The following ATP2C2 variants were observed in gnomAD, a reference collection of about 807,000 sequenced individuals.
The protein encoded by ATP2C2 is calcium-transporting ATPase type 2C member 2.
Under a neutral mutation model 110.8 loss-of-function variants are expected in ATP2C2, and 171 were observed. The observed-to-expected ratio is 1.54, with a 90% CI of 1.36 to 1.75. The LOEUF is 1.75. Among genes scored for constraint, ATP2C2 ranks in the 40% most tolerant of loss-of-function variants. ATP2C2 has a pLI of 0.00. For missense variants in ATP2C2, 1,963 were observed against 1,235.0 expected, an observed-to-expected ratio of 1.59 and a Z score of -8.84; for synonymous variants, 804 against 508.4, an observed-to-expected ratio of 1.58 and a Z score of -7.82.
chr16:84,435,360 C>T lies in ATP2C2; in HGVS notation c.987-3806C>T, dbSNP rs139194418. Among the ~76,000 whole-genome samples the T allele has an allele frequency of 3.3e-5, 5 of 152,342 alleles. No homozygotes were observed. In the East Asian group the frequency reaches 9.6e-4, roughly 29 times the overall value. ...TTAGCTCTGATGAAATGTGGTCTCT[C>T]TGTGTGATCCTGGTTGAATGGATTC... On this transcript the variant is annotated intron_variant, in intron 11 of 26. Coordinates refer to ENST00000262429, the MANE Select transcript of ATP2C2 (RefSeq NM_014861.4).
intron 1 of ATP2C2, among the ~76,000 whole-genome samples, chr16:84,380,878 AATT>A (rs1267530634): frequency 2.0e-5 from 3 of 152,136 alleles, no homozygotes; most frequent in African/African-American, 4.8e-5. Flanking sequence ...AATTATAAGT[AATT>A]ATTATTATAC....
chr16:84,415,471 T>C lies in ATP2C2; in HGVS notation c.516-12T>C, dbSNP rs377747879. On this transcript the variant is annotated splice_polypyrimidine_tract_variant and intron_variant, in intron 6 of 26. Coordinates refer to ENST00000262429, the MANE Select transcript of ATP2C2 (RefSeq NM_014861.4). ...GCATGGATGCTTTTGCTTTTTACCA[T>C]GTCAAATGCAGCCTAAGAGAAGGAA... 6 of 1,611,632 alleles carry C rather than the reference T, an allele frequency of 3.7e-6. No homozygotes were observed. In the African/African-American group the frequency reaches 5.3e-5, roughly 14 times the overall value.
Position 84,393,024 on chromosome 16 carries a change from TGCC to T in ATP2C2, c.100-5474_100-5472del, listed in dbSNP as rs1555552985. ...CCTGAGTTTGTTTCCAGTTTTTGAG[TGCC>T]TCAGCTTCAAGGTGGGCCATTCTGG... On this transcript the variant is annotated intron_variant, in intron 1 of 26. Transcript: ENST00000262429. Among the ~76,000 whole-genome samples the T allele has an allele frequency of 5.8e-4, 88 of 152,206 alleles. No homozygotes were observed. The Middle Eastern group carries it at 0.01, about 18-fold the overall frequency.
chr16:84,405,530 C>G (rs1377908504), intron 3 of ATP2C2, among the ~76,000 whole-genome samples: 1 of 152,212 alleles, frequency 6.6e-6, no homozygotes, highest in Non-Finnish European at 1.5e-5. Context: ...TCCTCCTAAT[C>G]CCGCCTTTGC....
chr16:84,384,819 G>T (rs1001448188), intron 1 of ATP2C2, among the ~76,000 whole-genome samples: 1 of 152,206 alleles, frequency 6.6e-6, no homozygotes, highest in African/African-American at 2.4e-5. Context: ...GAAGGCCAAG[G>T]TGGGTGGATC....
intron 11 of ATP2C2, among the ~76,000 whole-genome samples, chr16:84,426,741 G>A (rs769658851): frequency 1.3e-5 from 2 of 152,188 alleles, no homozygotes; most frequent in Non-Finnish European, 2.9e-5. Context: ...CCAAGCCCTT[G>A]TCTTACAGAG....
intron 6 of ATP2C2, among the ~76,000 whole-genome samples, chr16:84,413,258 G>A (rs1265087363): frequency 3.3e-5 from 5 of 152,110 alleles, no homozygotes; most frequent in African/African-American, 1.2e-4. Flanking sequence ...ATATATCCCA[G>A]GCACATGTTG....
intron 16 of ATP2C2, among the ~76,000 whole-genome samples, chr16:84,447,900 T>TAACA (rs1351813971): frequency 1.7e-5 from 1 of 58,746 alleles, no homozygotes; most frequent in African/African-American, 4.0e-5. Context: ...ACATATATAA[T>TAACA]TAATATTATA....
chr16:84,460,966 G>C, intron 24 of ATP2C2, 165 bp downstream of exon 24: 1 of 1,035,844 alleles, frequency 9.7e-7, no homozygotes, highest in Non-Finnish European at 1.3e-6. Context: ...TGAGGCAAAG[G>C]GACTGGGTGA....
chr16:84,398,017 A>G (rs1413786305), intron 1 of ATP2C2, among the ~76,000 whole-genome samples: 1 of 151,848 alleles, frequency 6.6e-6, no homozygotes, highest in Non-Finnish European at 1.5e-5. Context: ...GGGACCAGTC[A>G]TATCTGTTTC....
chr16:84,459,021 A>AC, intron 21 of ATP2C2, 99 bp from the exon 22 acceptor site: 1 of 1,306,940 alleles, frequency 7.7e-7, no homozygotes. Context: ...GTATAACATC[A>AC]ATCTGGGCGA....
At chr16:84,454,234 C>T (rs891110522) in intron 20 of ATP2C2, among the ~76,000 whole-genome samples, 1 of 152,090 alleles carries the variant, frequency 6.6e-6, no homozygotes. Context: ...CAAAGCCAGG[C>T]CCATGAATCT....
At chr16:84,400,457 G>A (rs1287895514) in intron 2 of ATP2C2, among the ~76,000 whole-genome samples, 1 of 151,902 alleles carries the variant, frequency 6.6e-6, no homozygotes, top group African/African-American at 2.4e-5. Flanking sequence ...CTCCTGAGTA[G>A]CTGGGACTAC....
chr16:84,396,532 A>G (rs977609487), intron 1 of ATP2C2, among the ~76,000 whole-genome samples: 2 of 142,924 alleles, frequency 1.4e-5, no homozygotes, highest in Admixed American at 1.5e-4. Context: ...CCTGGGTGAC[A>G]GAGTGAGGCT....
chr16:84,446,468 GC>G (rs1909761502), intron 16 of ATP2C2, 38 bp downstream of exon 16: 1 of 1,465,470 alleles, frequency 6.8e-7, no homozygotes, highest in Non-Finnish European at 9.3e-7. Flanking sequence ...CTCTCTTTCT[GC>G]CCGGGCCCCC....
chr16:84,407,702 G>A (rs1310008337), intron 3 of ATP2C2, among the ~76,000 whole-genome samples: 1 of 152,062 alleles, frequency 6.6e-6, no homozygotes, highest in East Asian at 1.9e-4. Flanking sequence ...AAACTCCTGG[G>A]CTCAAGCAGT....
chr16:84,432,648 G>A (rs1908386029), intron 11 of ATP2C2, among the ~76,000 whole-genome samples: 1 of 152,050 alleles, frequency 6.6e-6, no homozygotes, highest in South Asian at 2.1e-4. Flanking sequence ...AGCCTCCCAA[G>A]TAGCTGAGAT....
Position 84,460,771 on chromosome 16 carries a change from C to T in ATP2C2, c.2451C>T (p.Ile817=), listed in dbSNP as rs1339840354. ...LKILMSAAII[I]SGTLFIFWKE... ...TCCTCATGTCCGCGGCCATCATCAT[C>T]AGCGGGACCCTCTTTATCTTCTGGA... The change falls in exon 24 of 27, where the codon ATC becomes ATT. Residue 817 remains isoleucine (I), a synonymous_variant. Transcript: ENST00000262429. 6.2e-7 allele frequency: 1 copy of T among 1,613,926 alleles called. No homozygotes were observed.
intron 21 of ATP2C2, among the ~76,000 whole-genome samples, chr16:84,456,452 C>T (rs1910795847): frequency 6.8e-6 from 1 of 147,830 alleles, no homozygotes; most frequent in African/African-American, 2.5e-5. Context: ...TGCCCTCTCT[C>T]ACCGCTCCTA....
Sources: allele counts gnomAD v4.1 joint callset (sites outside exome capture counted in the v4.1 genomes callset), GRCh38; gene constraint gnomAD v4.1.1; transcripts MANE v1.5; gene names NCBI Gene and HGNC (gene_info 2026-07-23, HGNC 2026-07-21).